Variants in VPS13B observed in about 807,000 individuals in gnomAD.
The protein encoded by VPS13B is intermembrane lipid transfer protein VPS13B.
A neutral mutation model predicts 426.4 loss-of-function variants in VPS13B; 285 were observed. That is an observed-to-expected ratio of 0.67 (90% CI 0.61 to 0.74). VPS13B has a LOEUF of 0.74. VPS13B is among the 30% of genes least tolerant of loss of function. VPS13B has a pLI of 0.00. For missense variants in VPS13B, 4,537 were observed against 4,782.6 expected, an observed-to-expected ratio of 0.95 and a Z score of 1.51; for synonymous variants, 1,676 against 1,676.4, an observed-to-expected ratio of 1.00 and a Z score of 0.01.
chr8:99,391,866 A>G (rs193281037), intron 21 of VPS13B, among the ~76,000 whole-genome samples, 162 bp downstream of exon 21: 23 of 152,288 alleles, frequency 1.5e-4, no homozygotes, highest in African/African-American at 4.8e-4. Flanking sequence ...CAGTATTAGC[A>G]TTTTTTTGTG....
chr8:99,290,754 C>T (rs1329863601), intron 19 of VPS13B, among the ~76,000 whole-genome samples: 1 of 151,930 alleles, frequency 6.6e-6, no homozygotes, highest in Non-Finnish European at 1.5e-5. Context: ...GTCTTTCTGA[C>T]TTGGAAAAGG....
At chr8:99,763,135 C>CAAAAAAAAA (rs750289763) in intron 39 of VPS13B, among the ~76,000 whole-genome samples, 24 of 35,838 alleles carry the variant, frequency 6.7e-4, no homozygotes, top group African/African-American at 3.1e-3. Context: ...GACCTTGTCT[C>CAAAAAAAAA]AAAAAAAAAA....
chr8:99,391,042 C>T (rs547164476), intron 20 of VPS13B, among the ~76,000 whole-genome samples: 1 of 152,040 alleles, frequency 6.6e-6, no homozygotes, highest in African/African-American at 2.4e-5. Context: ...CAGTATTCTT[C>T]AAAAAAGTTG....
chr8:99,041,540 A>G (rs1056464481), intron 3 of VPS13B, among the ~76,000 whole-genome samples: 2 of 152,140 alleles, frequency 1.3e-5, no homozygotes, highest in Admixed American at 6.5e-5. Context: ...TATATGATTG[A>G]TGTGCTTTCT....
chr8:99,365,285 TTA>T (rs1812797974), intron 19 of VPS13B, among the ~76,000 whole-genome samples: 1 of 151,782 alleles, frequency 6.6e-6, no homozygotes, highest in African/African-American at 2.4e-5. Context: ...GCTCTGATCT[TTA>T]TTATTTCTTT....
chr8:99,355,522 C>T (rs946943556), intron 19 of VPS13B, among the ~76,000 whole-genome samples: 9 of 152,082 alleles, frequency 5.9e-5, no homozygotes, highest in Middle Eastern at 3.2e-3. Context: ...ACCTGGGAGG[C>T]GGAGGTTGCA....
At chr8:99,561,044 A>G (rs1824893560) in intron 31 of VPS13B, among the ~76,000 whole-genome samples, 1 of 152,226 alleles carries the variant, frequency 6.6e-6, no homozygotes, top group Non-Finnish European at 1.5e-5. Flanking sequence ...AAATTCACAT[A>G]ACATAAAATT....
At chr8:99,775,572 A>G (rs553555360) in intron 40 of VPS13B, among the ~76,000 whole-genome samples, 10 of 152,242 alleles carry the variant, frequency 6.6e-5, no homozygotes, top group Admixed American at 6.5e-4. Context: ...CTTCCCTTCT[A>G]TGGATGCCAT....
At chr8:99,400,691 TG>T (rs374486041) in intron 21 of VPS13B, among the ~76,000 whole-genome samples, 22 of 152,170 alleles carry the variant, frequency 1.4e-4, no homozygotes, top group African/African-American at 4.6e-4. Flanking sequence ...TTTTGTTTTG[TG>T]GCGGAGTCTC....
At chr8:99,164,542 A>T (rs1811878713) in intron 15 of VPS13B, among the ~76,000 whole-genome samples, 1 of 152,168 alleles carries the variant, frequency 6.6e-6, no homozygotes, top group African/African-American at 2.4e-5. Context: ...AAGTAAGGAT[A>T]GATTTCGTTA....
At chr8:99,308,865 T>G (rs1820792159) in intron 19 of VPS13B, among the ~76,000 whole-genome samples, 1 of 151,892 alleles carries the variant, frequency 6.6e-6, no homozygotes, top group African/African-American at 2.4e-5. Context: ...TTTTTAATGA[T>G]TGCCATTCTA....
chr8:99,604,218 T>C (rs1827460298), intron 33 of VPS13B, among the ~76,000 whole-genome samples: 1 of 152,196 alleles, frequency 6.6e-6, no homozygotes, highest in Non-Finnish European at 1.5e-5. Flanking sequence ...AGAAAAGTTA[T>C]GGAAATGGTA....
At chr8:99,728,727 C>T (rs1353423544) in intron 39 of VPS13B, among the ~76,000 whole-genome samples, 3 of 152,106 alleles carry the variant, frequency 2.0e-5, no homozygotes, top group Admixed American at 6.5e-5. Context: ...GGTAGTATGT[C>T]GACTACAGTT....
intron 17 of VPS13B, among the ~76,000 whole-genome samples, chr8:99,270,926 C>G (rs1818559024): frequency 6.6e-6 from 1 of 152,108 alleles, no homozygotes; most frequent in Admixed American, 6.5e-5. Flanking sequence ...GCTCAGCATC[C>G]TTTGTTATAA....
chr8:99,551,499 A>G (rs1296599980), intron 30 of VPS13B, among the ~76,000 whole-genome samples: 2 of 151,872 alleles, frequency 1.3e-5, no homozygotes, highest in East Asian at 3.9e-4. Context: ...TTATGTTTGG[A>G]TTTTTATTTG....
intron 3 of VPS13B, among the ~76,000 whole-genome samples, chr8:99,093,355 ATTTTT>A (rs992152093): frequency 6.7e-6 from 1 of 149,008 alleles, no homozygotes; most frequent in Non-Finnish European, 1.5e-5. Context: ...AAATTTGGAA[ATTTTT>A]TTTTTTAAAT....
chr8:99,198,014 T>C (rs766183699), intron 17 of VPS13B, among the ~76,000 whole-genome samples: 2 of 152,194 alleles, frequency 1.3e-5, no homozygotes. Context: ...ATATATATGG[T>C]AAAATCCACT....
intron 17 of VPS13B, among the ~76,000 whole-genome samples, chr8:99,262,894 T>G (rs1210897460): frequency 6.6e-6 from 1 of 152,026 alleles, no homozygotes. Context: ...CACCTCAGCC[T>G]CCCAAGTAGC....
At chr8:99,105,540 G>C (rs1846999594) in intron 5 of VPS13B, among the ~76,000 whole-genome samples, 1 of 151,994 alleles carries the variant, frequency 6.6e-6, no homozygotes. Context: ...CAGCATGCCT[G>C]GCTAATTTTT....
Sources: allele counts gnomAD v4.1 joint callset (sites outside exome capture counted in the v4.1 genomes callset), GRCh38; gene constraint gnomAD v4.1.1; transcripts MANE v1.5; gene names NCBI Gene and HGNC (gene_info 2026-07-23, HGNC 2026-07-21).